The following SVOPL variants were observed in gnomAD, a reference collection of about 807,000 sequenced individuals.
SVOPL encodes SVOP like, also known as putative transporter SVOPL.
A neutral mutation model predicts 61.0 loss-of-function variants in SVOPL; 60 were observed. That is an observed-to-expected ratio of 0.98 (90% CI 0.80 to 1.22). SVOPL has a LOEUF of 1.22. Among genes scored for constraint, SVOPL ranks in the 50% most tolerant of loss-of-function variants. The pLI, the probability that SVOPL is intolerant of heterozygous loss-of-function variation, is 0.00. For missense variants in SVOPL, 662 were observed against 643.9 expected, an observed-to-expected ratio of 1.03 and a Z score of -0.30; for synonymous variants, 279 against 250.0, an observed-to-expected ratio of 1.12 and a Z score of -1.09.
chr7:138,602,725 T>C (rs572939412), intron 14 of SVOPL, among the ~76,000 whole-genome samples: 17 of 152,032 alleles, frequency 1.1e-4, no homozygotes, highest in Non-Finnish European at 2.4e-4. Context: ...CTCAACCCCA[T>C]TTCCACCCCT....
chr7:138,696,554 C>T (rs1563141758), intron 1 of SVOPL, among the ~76,000 whole-genome samples: 1 of 152,150 alleles, frequency 6.6e-6, no homozygotes, highest in Non-Finnish European at 1.5e-5. Flanking sequence ...TCCCAAGTAG[C>T]TGGCATTACA....
intron 1 of SVOPL, among the ~76,000 whole-genome samples, chr7:138,691,237 G>A (rs557558052): frequency 5.3e-5 from 8 of 152,228 alleles, no homozygotes; most frequent in East Asian, 3.9e-4. Context: ...GGAATAAAAC[G>A]ATTCAGTTTG....
At chr7:138,664,291 G>A (rs891355877) in intron 4 of SVOPL, 14 of 960,342 alleles carry the variant, frequency 1.5e-5, no homozygotes, top group Middle Eastern at 5.4e-4. Context: ...CATCGGGCAC[G>A]CGCCTAACCC....
At chr7:138,616,383 C>A (rs1397038298) in intron 14 of SVOPL, among the ~76,000 whole-genome samples, 3 of 150,698 alleles carry the variant, frequency 2.0e-5, no homozygotes, top group African/African-American at 7.3e-5. Flanking sequence ...GTTGACCAGG[C>A]TGGAGTGCAA....
intron 14 of SVOPL, among the ~76,000 whole-genome samples, chr7:138,615,343 G>A (rs944240165): frequency 6.6e-6 from 1 of 152,132 alleles, no homozygotes; most frequent in Middle Eastern, 3.2e-3. Flanking sequence ...AGATCACGAA[G>A]TCAGGAGATC....
intron 4 of SVOPL, among the ~76,000 whole-genome samples, chr7:138,671,135 G>A (rs1802405237): frequency 6.6e-6 from 1 of 152,106 alleles, no homozygotes; most frequent in East Asian, 1.9e-4. Context: ...GGGGAGCAGT[G>A]GCTATAGAAT....
rs538004331 is a variant in SVOPL, at chr7:138,663,316, G to T, written c.274-171C>A. On this transcript the variant is annotated intron_variant, in intron 4 of 15. Coordinates refer to ENST00000674285, the MANE Select transcript of SVOPL (RefSeq NM_001139456.2). Reference sequence around the variant, plus strand: ...TGCCCCTGAGGCCCTTCATGTTCAGGATTTCAGCTCCCTGTTGGTGGGAGC... The same window carrying T: ...TGCCCCTGAGGCCCTTCATGTTCAGTATTTCAGCTCCCTGTTGGTGGGAGC... 45 of 1,440,464 alleles carry T rather than the reference G, an allele frequency of 3.1e-5. No homozygotes were observed. In the South Asian group the frequency reaches 6.6e-4, roughly 21 times the overall value. The allele number at this position is 1,440,464 out of a possible 1,614,324, so 89.2% of individuals were successfully genotyped here. A position where few individuals can be genotyped will look rare whatever the true frequency, so the allele number is the denominator to read the frequency against.
intron 9 of SVOPL, among the ~76,000 whole-genome samples, chr7:138,643,288 G>A (rs1310904137): frequency 7.9e-5 from 12 of 151,976 alleles, no homozygotes; most frequent in Admixed American, 7.9e-4. Flanking sequence ...AGCTGGGCAT[G>A]GTGGCAGGCG....
chr7:138,686,405 C>CAAAAA (rs200553829), intron 1 of SVOPL, among the ~76,000 whole-genome samples: 55 of 88,676 alleles, frequency 6.2e-4, no homozygotes, highest in East Asian at 2.0e-3. Flanking sequence ...GACTCCGCCT[C>CAAAAA]AAAAAAAAAA....
rs372400348 is a variant in SVOPL, at chr7:138,621,814, G to GTATCTATCTATC, written c.1264-680_1264-679insGATAGATAGATA. Reference sequence around the variant, plus strand: ...TCTATCTATCTATGTATCTATCTATGTATCTATGTATCTATGTATCTATCT... The same window carrying GTATCTATCTATC: ...TCTATCTATCTATGTATCTATCTATGTATCTATCTATCTATCTATGTATCTATGTATCTATCT... On this transcript the variant is annotated intron_variant, in intron 13 of 15. Coordinates refer to ENST00000674285, the MANE Select transcript of SVOPL (RefSeq NM_001139456.2). Among the ~76,000 whole-genome samples, 19 of 43,150 alleles carry GTATCTATCTATC rather than the reference G, an allele frequency of 4.4e-4. 1 individual carries two copies. Among genetic ancestry groups the GTATCTATCTATC allele is most frequent in the Admixed American group, 1.2e-3 (4 of 3,394 alleles). 28.3% of individuals were successfully genotyped at this position (43,150 alleles called of 152,430 possible). A position where few individuals can be genotyped will look rare whatever the true frequency, so the allele number is the denominator to read the frequency against.
intron 13 of SVOPL, among the ~76,000 whole-genome samples, 195 bp downstream of exon 13, chr7:138,625,774 C>T (rs1185426741): frequency 6.6e-6 from 1 of 152,120 alleles, no homozygotes; most frequent in Non-Finnish European, 1.5e-5. Context: ...TCCTATCTTC[C>T]AGAGATTGGC....
intron 9 of SVOPL, among the ~76,000 whole-genome samples, chr7:138,640,421 G>C (rs1168055194): frequency 1.3e-5 from 2 of 151,934 alleles, no homozygotes; most frequent in Non-Finnish European, 2.9e-5. Context: ...ACTAGAGTCA[G>C]GGTTTCTCTG....
At chr7:138,671,848 T>G (rs1424202202) in intron 4 of SVOPL, among the ~76,000 whole-genome samples, 171 bp downstream of exon 4, 1 of 152,194 alleles carries the variant, frequency 6.6e-6, no homozygotes, top group African/African-American at 2.4e-5. Context: ...ACATTAGGCA[T>G]GCTAGGAAAA....
Position 138,662,319 on chromosome 7 carries a change from G to A in SVOPL, c.345+755C>T, listed in dbSNP as rs566207041. The stretch of plus-strand genomic sequence containing the variant: ...ATCTGTTTCCTACTGATTGTAATTT[G>A]GACTTCTCTTTTCATTTGTGGCCAG... On this transcript the variant is annotated intron_variant, in intron 5 of 15. Coordinates refer to ENST00000674285, the MANE Select transcript of SVOPL (RefSeq NM_001139456.2). 6 of 985,360 alleles carry A rather than the reference G, an allele frequency of 6.1e-6. No homozygotes were observed. In the African/African-American group the frequency reaches 1.0e-4, roughly 17 times the overall value. 61.0% of individuals were successfully genotyped at this position (985,360 alleles called of 1,614,324 possible). A position where few individuals can be genotyped will look rare whatever the true frequency, so the allele number is the denominator to read the frequency against.
intron 13 of SVOPL, among the ~76,000 whole-genome samples, chr7:138,621,966 C>G (rs6966192): frequency 4.8e-4 from 12 of 25,074 alleles, no homozygotes; most frequent in Non-Finnish European, 8.6e-4. Flanking sequence ...ATCTATGTAT[C>G]TATCTATGTA....
rs541519088 is a variant in SVOPL at position 138,636,359 on chromosome 7, T to G, written c.790-6237A>C. Among the ~76,000 whole-genome samples the G allele has an allele frequency of 1.4e-3, 220 of 152,016 alleles. 4 individuals are homozygous for G. Among genetic ancestry groups the G allele is most frequent in the Admixed American group, 0.014 (219 of 15,236 alleles). On this transcript the variant is annotated intron_variant, in intron 9 of 15. Transcript: ENST00000674285. ...TGTTGCTGAGAAAAATAAAAAGAAA[T>G]AAATTGGGAAATACACTTAAAGCAG...
At chr7:138,689,001 C>G (rs1024486627) in intron 1 of SVOPL, 1 of 667,406 alleles carries the variant, frequency 1.5e-6, no homozygotes, top group Admixed American at 1.8e-5. Context: ...TTCACTTGAC[C>G]CAGAGAACTC....
intron 1 of SVOPL, among the ~76,000 whole-genome samples, chr7:138,698,509 G>A (rs946268131): frequency 4.1e-4 from 62 of 152,240 alleles, no homozygotes; most frequent in African/African-American, 1.1e-3. Flanking sequence ...GACCGAATCT[G>A]GCCAGCATAA....
At chr7:138,676,829 T>TATATA (rs1802572924) in intron 3 of SVOPL, among the ~76,000 whole-genome samples, 1 of 152,068 alleles carries the variant, frequency 6.6e-6, no homozygotes, top group African/African-American at 2.4e-5. Flanking sequence ...AAATGCTCAC[T>TATATA]TGCTTTATAA....
Sources: allele counts gnomAD v4.1 joint callset (sites outside exome capture counted in the v4.1 genomes callset), GRCh38; gene constraint gnomAD v4.1.1; transcripts MANE v1.5; gene names NCBI Gene and HGNC (gene_info 2026-07-23, HGNC 2026-07-21).